ADAM2: variants seen among roughly 807,000 people sequenced by gnomAD.
The protein encoded by ADAM2 is ADAM metallopeptidase domain 2.
A neutral mutation model predicts 99.3 loss-of-function variants in ADAM2; 101 were observed. That is an observed-to-expected ratio of 1.02 (90% CI 0.87 to 1.20). The LOEUF is 1.20. Ranked by LOEUF, ADAM2 falls within the 50% of genes most tolerant of loss-of-function variation. ADAM2 has a pLI of 0.00. For synonymous variants in ADAM2, 323 were observed against 287.6 expected (o/e 1.12, Z -1.25); for missense variants, 948 against 878.7 (o/e 1.08, Z -1.00).
At chr8:39,765,817 T>C (rs1490679117) in intron 14 of ADAM2, among the ~76,000 whole-genome samples, 1 of 152,244 alleles carries the variant, frequency 6.6e-6, no homozygotes, top group African/African-American at 2.4e-5. Flanking sequence ...TAGTGATAAG[T>C]GCTTTGCAAT....
intron 7 of ADAM2, among the ~76,000 whole-genome samples, chr8:39,792,086 CT>C (rs1006738950): frequency 1.0e-4 from 15 of 148,176 alleles, no homozygotes; most frequent in Admixed American, 4.7e-4. Flanking sequence ...CCATCTTGGG[CT>C]TTTTTTTTTC....
At chr8:39,824,979 A>G in intron 3 of ADAM2, 82 bp from the exon 4 acceptor site, 1 of 669,846 alleles carries the variant, frequency 1.5e-6, no homozygotes, top group East Asian at 2.7e-5. Context: ...ATAGACAGGT[A>G]GGTTGACACA....
chr8:39,798,502 T>A (rs1254786186), intron 7 of ADAM2, among the ~76,000 whole-genome samples: 1 of 152,020 alleles, frequency 6.6e-6, no homozygotes, highest in Non-Finnish European at 1.5e-5. Context: ...GAAGTTTTCT[T>A]TTTTTGTTGT....
intron 6 of ADAM2, among the ~76,000 whole-genome samples, chr8:39,813,530 T>A (rs1342085369): frequency 2.6e-5 from 4 of 152,262 alleles, no homozygotes; most frequent in Admixed American, 1.3e-4. Flanking sequence ...CAAATGTCCA[T>A]CAATGACAGA....
chr8:39,811,996 T>A (rs1202317173), intron 6 of ADAM2, among the ~76,000 whole-genome samples: 1 of 152,206 alleles, frequency 6.6e-6, no homozygotes, highest in Non-Finnish European at 1.5e-5. Flanking sequence ...TTGTCCCTGT[T>A]TGCAGATGAC....
intron 7 of ADAM2, among the ~76,000 whole-genome samples, chr8:39,808,916 A>G (rs1804572046): frequency 6.6e-6 from 1 of 152,156 alleles, no homozygotes; most frequent in Non-Finnish European, 1.5e-5. Context: ...ACTCCATCAC[A>G]AAAAATAAAT....
intron 12 of ADAM2, 114 bp from the exon 13 acceptor site, chr8:39,767,365 G>T: frequency 1.1e-6 from 1 of 893,150 alleles, no homozygotes; most frequent in Non-Finnish European, 1.7e-6. Context: ...TAACTTACAT[G>T]TTGGCAAACA....
At chr8:39,763,209 T>C (rs1311807278) in intron 14 of ADAM2, among the ~76,000 whole-genome samples, 1 of 151,070 alleles carries the variant, frequency 6.6e-6, no homozygotes, top group Admixed American at 6.6e-5. Flanking sequence ...CTCAGTTAAG[T>C]GAAAAAAAAA....
intron 14 of ADAM2, among the ~76,000 whole-genome samples, chr8:39,762,490 TTA>T (rs1802407579): frequency 6.6e-6 from 1 of 152,218 alleles, no homozygotes; most frequent in African/African-American, 2.4e-5. Context: ...ATGATACATT[TTA>T]TGTATCAACT....
At chr8:39,831,320 A>T (rs1309051574) in intron 3 of ADAM2, among the ~76,000 whole-genome samples, 1 of 152,166 alleles carries the variant, frequency 6.6e-6, no homozygotes, top group Non-Finnish European at 1.5e-5. Flanking sequence ...CCCTGAGCTG[A>T]TAAAGTGTAA....
intron 7 of ADAM2, among the ~76,000 whole-genome samples, chr8:39,794,360 C>T (rs1366234420): frequency 6.6e-6 from 1 of 152,044 alleles, no homozygotes; most frequent in African/African-American, 2.4e-5. Flanking sequence ...AATTCAAATG[C>T]TTTTCATGTA....
At chr8:39,765,541 A>C (rs531168184) in intron 14 of ADAM2, among the ~76,000 whole-genome samples, 1 of 152,206 alleles carries the variant, frequency 6.6e-6, no homozygotes, top group African/African-American at 2.4e-5. Flanking sequence ...TTATGAAAAA[A>C]GTAGAAAATC....
intron 12 of ADAM2, among the ~76,000 whole-genome samples, chr8:39,767,682 T>C (rs1359066394): frequency 1.3e-5 from 2 of 152,194 alleles, no homozygotes; most frequent in African/African-American, 4.8e-5. Context: ...TATGGTATAT[T>C]GTTGATTTAT....
At chr8:39,804,953 A>G (rs555865547) in intron 7 of ADAM2, among the ~76,000 whole-genome samples, 1 of 152,296 alleles carries the variant, frequency 6.6e-6, no homozygotes, top group South Asian at 2.1e-4. Flanking sequence ...TCAGGCTGCT[A>G]TAACAAAAAT....
At chr8:39,773,670 G>A (rs1044144505) in intron 11 of ADAM2, among the ~76,000 whole-genome samples, 2 of 151,604 alleles carry the variant, frequency 1.3e-5, no homozygotes, top group Non-Finnish European at 3.0e-5. Context: ...ATATTTATTA[G>A]AAAAGGAAAA....
chr8:39,807,264 C>CTACT lies in ADAM2; in HGVS notation c.570+2142_570+2145dup, dbSNP rs1396454425. 3.3e-5 allele frequency among the ~76,000 whole-genome samples: 5 copies of CTACT among 152,314 alleles called. No homozygotes were observed. In the East Asian group the frequency reaches 9.6e-4, roughly 29 times the overall value. On this transcript the variant is annotated intron_variant, in intron 7 of 20. Coordinates refer to ENST00000265708, the MANE Select transcript of ADAM2 (RefSeq NM_001464.5). ...ATTTTTCCCTGTGGAACACAAAGTTCTACTTATCAGGTTTCATAGCTGGAG... is the reference window on the plus strand; with the variant it reads ...ATTTTTCCCTGTGGAACACAAAGTTCTACTTACTTATCAGGTTTCATAGCTGGAG...
intron 16 of ADAM2, among the ~76,000 whole-genome samples, chr8:39,753,812 AACAC>A (rs34323295): frequency 2.0e-5 from 3 of 150,550 alleles, no homozygotes; most frequent in African/African-American, 4.9e-5. Flanking sequence ...AAAACAACAA[AACAC>A]ACACACACAC....
At chr8:39,769,836 A>G (rs764739794) in intron 11 of ADAM2, among the ~76,000 whole-genome samples, 113 of 151,172 alleles carry the variant, frequency 7.5e-4, no homozygotes, top group Admixed American at 4.0e-4. Flanking sequence ...TTAAGCTCCT[A>G]TTTTCCAAAG....
At chr8:39,774,796 T>A (rs1199538330) in intron 11 of ADAM2, 1 of 152,130 alleles carries the variant, frequency 6.6e-6, no homozygotes, top group African/African-American at 2.4e-5. Flanking sequence ...ATCATTATAA[T>A]CAACATTGTA....
Sources: gnomAD v4.1 joint callset for allele counts (sites outside exome capture counted in the v4.1 genomes callset) on GRCh38, gnomAD v4.1.1 for gene constraint, MANE v1.5 for transcripts, NCBI Gene and HGNC (gene_info 2026-07-23, HGNC 2026-07-21) for gene names.